Variants in RICTOR observed in about 807,000 individuals in gnomAD.
RICTOR encodes the protein RPTOR independent companion of MTOR complex 2, also known as rapamycin-insensitive companion of mTOR.
In RICTOR, 49 loss-of-function variants were observed where a neutral mutation model predicts 214.9. The ratio of observed to expected loss-of-function variants is 0.23; its 90% CI spans 0.18 to 0.29. RICTOR has a LOEUF of 0.29. Ranked by LOEUF, RICTOR falls within the 10% of genes least tolerant of loss-of-function variation. The pLI is 1.00. For synonymous variants in RICTOR, 717 were observed against 711.3 expected (o/e 1.01, Z -0.13); for missense variants, 1,625 against 2,047.0 (o/e 0.79, Z 3.98).
chr5:38,953,183 T>G, intron 28 of RICTOR, 92 bp from the exon 29 acceptor site: 1 of 851,180 alleles, frequency 1.2e-6, no homozygotes, highest in Non-Finnish European at 1.9e-6. Flanking sequence ...ACCTCATCTC[T>G]GAGAGAGAAA....
chr5:39,025,067 A>T (rs182349878), intron 2 of RICTOR, among the ~76,000 whole-genome samples: 1 of 150,162 alleles, frequency 6.7e-6, no homozygotes, highest in Admixed American at 6.6e-5. Context: ...ATAACTCAAC[A>T]ATGAGTCAAA....
At chr5:38,949,237 T>C (rs750623145) in intron 31 of RICTOR, 3 of 581,210 alleles carry the variant, frequency 5.2e-6, no homozygotes, top group Non-Finnish European at 8.6e-6. Context: ...TTAGTGTTTA[T>C]TAGGTTCCTA....
Position 38,959,195 on chromosome 5 carries a change from A to T in RICTOR, c.2178T>A (p.Asp726Glu). 6.3e-7 allele frequency: 1 copy of T among 1,589,424 alleles called. No homozygotes were observed. The highest frequency in any genetic ancestry group is 2.3e-5 in the East Asian group (1 of 44,314). Reference protein sequence around the residue: ...ILSKILTAATDACRLYATKHL... With the variant: ...ILSKILTAATEACRLYATKHL... The stretch of plus-strand genomic sequence containing the variant: ...GTTTTACTGGCTATGTTATACTCAC[A>T]TCAGTAGCTGCAGTTAAAATTTTGG... The change falls in exon 22 of 38, where the codon GAT (aspartate) becomes GAA (glutamate). Residue 726 changes from aspartate (D) to glutamate (E), a missense_variant and splice_region_variant. This residue lies in a region of RICTOR where 1,214 missense variants were observed against 1,470.5 expected (regional missense o/e 0.83). Transcript: ENST00000357387.
intron 6 of RICTOR, among the ~76,000 whole-genome samples, chr5:38,993,637 T>C (rs916534921): frequency 4.6e-5 from 7 of 152,026 alleles, no homozygotes; most frequent in African/African-American, 1.4e-4. Flanking sequence ...ATAATAGACA[T>C]ACTTTTATTA....
intron 2 of RICTOR, among the ~76,000 whole-genome samples, chr5:39,059,416 TTA>T (rs1758397901): frequency 6.6e-6 from 1 of 152,118 alleles, no homozygotes; most frequent in African/African-American, 2.4e-5. Context: ...TATTGCAATA[TTA>T]TGTTTCTTGA....
chr5:39,012,310 G>A (rs1201694331), intron 3 of RICTOR, among the ~76,000 whole-genome samples: 1 of 152,142 alleles, frequency 6.6e-6, no homozygotes, highest in East Asian at 1.9e-4. Context: ...GCCGCCATGT[G>A]AAGAAGGACA....
In RICTOR at chr5:38,942,118, G is replaced by A. The variant is rs965781780; in HGVS notation, c.*186C>T. 2.4e-5 allele frequency: 10 copies of A among 413,796 alleles called. No homozygotes were observed. The highest frequency in any genetic ancestry group is 6.0e-4 in the Middle Eastern group (1 of 1,662). 25.6% of individuals were successfully genotyped at this position (413,796 alleles called of 1,614,324 possible). A position where few individuals can be genotyped will look rare whatever the true frequency, so the allele number is the denominator to read the frequency against. On this transcript the variant is annotated 3_prime_UTR_variant, in exon 38 of 38. Coordinates refer to ENST00000357387, the MANE Select transcript of RICTOR (RefSeq NM_152756.5). ...ACCCCTCAAAAGGCTCAACAAAGGA[G>A]AGAAGGAAGTTGTTTTGGTTAGGAA...
chr5:39,009,086 G>A (rs1373372221), intron 3 of RICTOR, among the ~76,000 whole-genome samples: 1 of 152,024 alleles, frequency 6.6e-6, no homozygotes, highest in African/African-American at 2.4e-5. Flanking sequence ...CAGTAATAAT[G>A]AATGTTAATA....
At chr5:38,980,069 G>A (rs915794266) in intron 8 of RICTOR, among the ~76,000 whole-genome samples, 2 of 151,928 alleles carry the variant, frequency 1.3e-5, no homozygotes, top group Non-Finnish European at 2.9e-5. Context: ...TCCAGATATC[G>A]TATTTTCAGT....
intron 2 of RICTOR, among the ~76,000 whole-genome samples, chr5:39,023,140 C>CG (rs1362935351): frequency 1.3e-5 from 2 of 151,586 alleles, no homozygotes; most frequent in African/African-American, 4.8e-5. Flanking sequence ...AAAAGGATAA[C>CG]GGCGGATTTC....
Position 38,949,935 on chromosome 5 carries a change from C to G in RICTOR, c.3913G>C (p.Ala1305Pro). 1 of 1,613,464 alleles carries G rather than the reference C, an allele frequency of 6.2e-7. No homozygotes were observed. Among genetic ancestry groups the G allele is most frequent in the Non-Finnish European group, 8.5e-7 (1 of 1,179,620 alleles). The change falls in exon 31 of 38, where the codon GCA becomes CCA. Residue 1305 changes from alanine (A) to proline (P), a missense_variant. Ala to Pro is a conservative substitution (Grantham distance 27). Around this residue, in one of 5 missense-constraint regions of RICTOR, gnomAD observed 1,214 missense variants for 1,470.5 expected, o/e 0.83. Coordinates refer to ENST00000357387, the MANE Select transcript of RICTOR (RefSeq NM_152756.5). ...CTTTTAATTGTAGCAATAGAGGGTG[C>G]TTTAAGGGACTGTGCTCTTCTAGGA... is the stretch of plus-strand genomic sequence containing the variant. Reference protein sequence around the residue: ...TLPRRAQSLKAPSIATIKSLA... With the variant: ...TLPRRAQSLKPPSIATIKSLA...
intron 2 of RICTOR, among the ~76,000 whole-genome samples, chr5:39,059,593 T>A (rs1473693208): frequency 6.6e-6 from 1 of 152,138 alleles, no homozygotes; most frequent in Non-Finnish European, 1.5e-5. Context: ...CTTACCCTTA[T>A]CCTACAAATC....
intron 2 of RICTOR, among the ~76,000 whole-genome samples, chr5:39,053,414 A>C (rs1191676362): frequency 1.3e-5 from 2 of 152,152 alleles, no homozygotes; most frequent in African/African-American, 4.8e-5. Flanking sequence ...GAGTCTAGTG[A>C]TTGCTGAGCA....
At chr5:39,024,623 A>C (rs1213031213) in intron 2 of RICTOR, among the ~76,000 whole-genome samples, 2 of 152,224 alleles carry the variant, frequency 1.3e-5, no homozygotes, top group East Asian at 3.8e-4. Flanking sequence ...CTTCTAATGG[A>C]AATGTATAAT....
At chr5:38,993,538 A>G (rs914346152) in intron 6 of RICTOR, among the ~76,000 whole-genome samples, 1 of 152,172 alleles carries the variant, frequency 6.6e-6, no homozygotes, top group South Asian at 2.1e-4. Context: ...GATGGGTAAA[A>G]TAAGAGAAAA....
intron 2 of RICTOR, among the ~76,000 whole-genome samples, chr5:39,049,944 C>G (rs1554011616): frequency 6.6e-6 from 1 of 151,996 alleles, no homozygotes; most frequent in Non-Finnish European, 1.5e-5. Context: ...GGTAACAAGA[C>G]AAAATGGGGG....
chr5:39,020,853 T>C (rs1275949237), intron 3 of RICTOR, among the ~76,000 whole-genome samples, 186 bp downstream of exon 3: 1 of 152,226 alleles, frequency 6.6e-6, no homozygotes, highest in African/African-American at 2.4e-5. Flanking sequence ...AACAAAGATA[T>C]AATTCTTCTA....
intron 2 of RICTOR, among the ~76,000 whole-genome samples, chr5:39,035,842 G>A (rs1182499422): frequency 6.6e-6 from 1 of 152,210 alleles, no homozygotes; most frequent in Non-Finnish European, 1.5e-5. Context: ...ACGTCTGATT[G>A]TTGTACCTGA....
rs1247938348 is a variant in RICTOR at position 38,958,804 on chromosome 5, A to G, written c.2206T>C (p.Leu736=). The part of the protein sequence containing the change: ...DACRLYATKH[L]RVLLRANVEF... The stretch of plus-strand genomic sequence containing the variant: ...ACATTAGCTCTCAATAATACCCTTA[A>G]ATGTTTTGTTGCATAGAGTCTGCAG... The change falls in exon 23 of 38, where the codon TTA becomes CTA. Residue 736 remains leucine (L), a synonymous_variant. Transcript: ENST00000357387. 3 of 1,603,614 alleles carry G rather than the reference A, an allele frequency of 1.9e-6. No homozygotes were observed. In the South Asian group the frequency reaches 3.4e-5, roughly 18 times the overall value.
Sources: gnomAD v4.1 joint callset for allele counts (sites outside exome capture counted in the v4.1 genomes callset) on GRCh38, gnomAD v4.1.1 for gene constraint, gnomAD v4.1.1 regional missense constraint, MANE v1.5 for transcripts, NCBI Gene and HGNC (gene_info 2026-07-23, HGNC 2026-07-21) for gene names.